Variants in EPHA1 observed in about 807,000 individuals in gnomAD.
The protein encoded by EPHA1 is ephrin type-A receptor 1.
A neutral mutation model predicts 110.1 loss-of-function variants in EPHA1; 92 were observed. The ratio of observed to expected loss-of-function variants is 0.84; its 90% CI spans 0.71 to 0.99. The LOEUF (loss-of-function observed/expected upper bound fraction) is 0.99. Among genes scored for constraint, EPHA1 ranks in the 50% least tolerant of loss-of-function variants. EPHA1 has a pLI of 0.00. For synonymous variants in EPHA1, 500 were observed against 516.1 expected, an observed-to-expected ratio of 0.97 and a Z score of 0.42; for missense variants, 1,204 against 1,285.4, an observed-to-expected ratio of 0.94 and a Z score of 0.97.
At chr7:143,392,015 T>C (rs1805101483) in intron 16 of EPHA1, among the ~76,000 whole-genome samples, 1 of 152,188 alleles carries the variant, frequency 6.6e-6, no homozygotes, top group African/African-American at 2.4e-5. Context: ...GGGACTGTCC[T>C]GGGAAGCCCC....
intron 7 of EPHA1, 55 bp downstream of exon 7, chr7:143,398,266 G>A: frequency 6.2e-7 from 1 of 1,607,982 alleles, no homozygotes; most frequent in Non-Finnish European, 8.5e-7. Context: ...GGCTAGGAAT[G>A]TTGGGGTGTG....
In EPHA1 at chr7:143,408,818, G is replaced by C; in HGVS notation, c.-13C>G. 8.3e-7 allele frequency: 1 copy of C among 1,209,550 alleles called. No homozygotes were observed. The highest frequency in any genetic ancestry group is 1.6e-5 in the African/African-American group (1 of 62,836). The allele number at this position is 1,209,550 out of a possible 1,614,324, so 74.9% of individuals were successfully genotyped here. Reference sequence around the variant, plus strand: ...AGCGCCGCTCCATAGCTCCGGGCCGGGACCTGGGACAGTGGCCCGGATGGC... The same window carrying C: ...AGCGCCGCTCCATAGCTCCGGGCCGCGACCTGGGACAGTGGCCCGGATGGC... On this transcript the variant is annotated 5_prime_UTR_variant, in exon 1 of 18. Coordinates refer to ENST00000275815, the MANE Select transcript of EPHA1 (RefSeq NM_005232.5).
Position 143,395,259 on chromosome 7 carries a change from TG to T in EPHA1, c.2083+59del. 6.2e-7 allele frequency: 1 copy of T among 1,613,376 alleles called. No homozygotes were observed. The highest frequency in any genetic ancestry group is 1.1e-5 in the South Asian group (1 of 91,082). ...CCACACATCCTCCCTCCACTTCCAG[TG>T]GTTTCACCCCTCTTTCCTGCATTTC... On this transcript the variant is annotated intron_variant, in intron 12 of 17. Coordinates refer to ENST00000275815, the MANE Select transcript of EPHA1 (RefSeq NM_005232.5). The surrounding 1 kb of genome is among the most constrained non-coding windows in gnomAD (Gnocchi z 4.7).
intron 2 of EPHA1, among the ~76,000 whole-genome samples, chr7:143,402,091 TTTC>T (rs1805436430): frequency 8.4e-6 from 1 of 118,742 alleles, no homozygotes; most frequent in South Asian, 3.4e-4. Flanking sequence ...CTATTTTTTC[TTTC>T]TTTTTTTTTT....
chr7:143,395,070 C>G lies in EPHA1; in HGVS notation c.2145+51G>C. On this transcript the variant is annotated intron_variant, in intron 13 of 17. Coordinates refer to ENST00000275815, the MANE Select transcript of EPHA1 (RefSeq NM_005232.5). The surrounding 1 kb of genome is among the most constrained non-coding windows in gnomAD (Gnocchi z 4.7). ...ATGGGCCAGGTCTCCTCCCAGTGCC[C>G]AGGGTACCATGGTGCATCCCCCTCC... is the stretch of plus-strand genomic sequence containing the variant. 6 of 1,613,964 alleles carry G rather than the reference C, an allele frequency of 3.7e-6. No homozygotes were observed. Among genetic ancestry groups the G allele is most frequent in the Non-Finnish European group, 3.4e-6 (4 of 1,179,936 alleles).
rs147852131 is a variant in EPHA1 at position 143,398,367 on chromosome 7, C to T, written c.1418G>A (p.Arg473Gln). ...ATAGGTCAGGTTCGCCCCAGGGCTT[C>T]GGGGCCGGGACCCCGCCCAGGTCAG... is the stretch of plus-strand genomic sequence containing the variant. Reference protein sequence around the residue: ...LELTWAGSRPRSPGANLTYEL... With the variant: ...LELTWAGSRPQSPGANLTYEL... Residue 473 changes from arginine (R) to glutamine (Q), a missense_variant, in exon 7 of 18, where the codon CGA becomes CAA. Coordinates refer to ENST00000275815, the MANE Select transcript of EPHA1 (RefSeq NM_005232.5). 58 of 1,613,994 alleles carry T rather than the reference C, an allele frequency of 3.6e-5. No homozygotes were observed. The highest frequency in any genetic ancestry group is 6.7e-5 in the African/African-American group (5 of 74,912).
At position 143,401,405 on chromosome 7, in the gene EPHA1, GC is replaced by G. The variant is rs751532253; in HGVS notation, c.350del (p.Gly117AlafsTer29). 6.2e-7 allele frequency: 1 copy of G among 1,613,994 alleles called. No individual in the cohort carries two copies. The highest frequency in any genetic ancestry group is 8.5e-7 in the Non-Finnish European group (1 of 1,180,038). ...ACAGAAGGTTGAAGGTCTCCTTGCA[GC>G]CCAGAGGCCCGGCTCCCCCAGGGAA... Reference protein sequence around the residue: ...KSFPGGAGPLGCKETFNLLYM... With the variant: ...KSFPGGAGPLXCKETFNLLYM... On this transcript the variant is annotated frameshift_variant, in exon 3 of 18. Coordinates refer to ENST00000275815, the MANE Select transcript of EPHA1 (RefSeq NM_005232.5). LOFTEE classifies it high-confidence loss of function. The surrounding 1 kb of genome is among the most constrained non-coding windows in gnomAD (Gnocchi z 4.1).
At position 143,401,417 on chromosome 7, in the gene EPHA1, G is replaced by T. The variant is rs138434330; in HGVS notation, c.339C>A (p.Ala113=). The T allele has an allele frequency of 6.2e-7, 1 of 1,614,070 alleles. No homozygotes were observed. Among genetic ancestry groups the T allele is most frequent in the African/African-American group, 1.3e-5 (1 of 75,008 alleles). The stretch of plus-strand genomic sequence containing the variant: ...AGGTCTCCTTGCAGCCCAGAGGCCC[G>T]GCTCCCCCAGGGAAACTCTTGCAGT... ...VRDCKSFPGG[A]GPLGCKETFN... is the part of the protein sequence containing the mutation. The change falls in exon 3 of 18, where the codon GCC becomes GCA. Residue 113 remains alanine, a synonymous_variant. Transcript: ENST00000275815. The surrounding 1 kb of genome is among the most constrained non-coding windows in gnomAD (Gnocchi z 4.1).
In EPHA1 at chr7:143,398,619, TGCTGACTGA is replaced by T. The variant is rs1448954975; in HGVS notation, c.1309_1317del (p.Ser437_Ser439del). ...CTCTCACCTGCATGCCCCATGCTGA[TGCTGACTGA>T]GGTGCTGGCATGGCCAGAGCTGCCC... On this transcript the variant is annotated inframe_deletion, in exon 6 of 18. Coordinates refer to ENST00000275815, the MANE Select transcript of EPHA1 (RefSeq NM_005232.5). 1 of 1,613,778 alleles carries T rather than the reference TGCTGACTGA, an allele frequency of 6.2e-7. No homozygotes were observed. Among genetic ancestry groups the T allele is most frequent in the African/African-American group, 1.3e-5 (1 of 74,914 alleles).
rs1805454325 is a variant in EPHA1 at position 143,402,603 on chromosome 7, A to G, written c.151-998T>C. Among the ~76,000 whole-genome samples the G allele has an allele frequency of 2.0e-5, 3 of 152,236 alleles. No homozygotes were observed. The South Asian group carries it at 6.2e-4, about 31-fold the overall frequency. ...GAGACAAGGTTTTGCCACGTTGGCC[A>G]GGCTGTTAGCTTCTTTTATCTGAAA... is the stretch of plus-strand genomic sequence containing the variant. On this transcript the variant is annotated intron_variant, in intron 2 of 17. Transcript: ENST00000275815.
chr7:143,401,663 GT>G lies in EPHA1; in HGVS notation c.151-59del. 6.4e-7 allele frequency: 1 copy of G among 1,573,242 alleles called. No individual in the cohort carries two copies. Among genetic ancestry groups the G allele is most frequent in the South Asian group, 1.2e-5 (1 of 85,048 alleles). ...TCATCCCCTGCTCCCCAAACCCTTG[GT>G]TTTTAGAGCTGATGGAGAAGCAGCT... On this transcript the variant is annotated intron_variant, in intron 2 of 17. Transcript: ENST00000275815. This position sits in a 1 kb window ranked among gnomAD's most constrained non-coding sequence, Gnocchi z 4.1.
intron 14 of EPHA1, among the ~76,000 whole-genome samples, 188 bp from the exon 15 acceptor site, chr7:143,394,531 C>T (rs1458561476): frequency 6.6e-6 from 1 of 152,164 alleles, no homozygotes; most frequent in Non-Finnish European, 1.5e-5. Context: ...AGCGATTCTC[C>T]TGCCTCAGCC....
rs1805483668 is a variant in EPHA1, at chr7:143,403,948, AATG to A, written c.151-2346_151-2344del. Among the ~76,000 whole-genome samples the A allele has an allele frequency of 2.0e-5, 3 of 152,268 alleles. No individual in the cohort carries two copies. The South Asian group carries it at 6.2e-4, about 32-fold the overall frequency. On this transcript the variant is annotated intron_variant, in intron 2 of 17. Coordinates refer to ENST00000275815, the MANE Select transcript of EPHA1 (RefSeq NM_005232.5). ...TTATAGACACGAATCATTTCCTTCA[AATG>A]TATGTTTCAAATATTTTCTCCCTGT...
chr7:143,407,843 A>C lies in EPHA1; in HGVS notation c.83-165T>G, dbSNP rs570141331. The C allele has an allele frequency of 7.4e-4, 402 of 545,760 alleles. 3 individuals are homozygous for C. Among genetic ancestry groups the C allele is most frequent in the Middle Eastern group, 5.9e-3 (12 of 2,024 alleles). 33.8% of individuals were successfully genotyped at this position (545,760 alleles called of 1,614,324 possible). A position where few individuals can be genotyped will look rare whatever the true frequency, so the allele number is the denominator to read the frequency against. On this transcript the variant is annotated intron_variant, in intron 1 of 17. Transcript: ENST00000275815. The stretch of plus-strand genomic sequence containing the variant: ...AAAAAGGGCTCAGGACTGAGGAGTG[A>C]AGAGCTCCAGGGATTTCACTCTTCT...
At chr7:143,398,290 A>T in intron 7 of EPHA1, 31 bp downstream of exon 7, 1 of 1,612,726 alleles carries the variant, frequency 6.2e-7, no homozygotes, top group East Asian at 2.2e-5. Context: ...GGGCATGGAC[A>T]CTGAAGACCA....
At chr7:143,397,152 C>G in intron 10 of EPHA1, 152 bp downstream of exon 10, 1 of 894,240 alleles carries the variant, frequency 1.1e-6, no homozygotes. Context: ...ACACAAGAGC[C>G]CTGGGGACAA....
rs1317853643 is a variant in EPHA1 at position 143,395,870 on chromosome 7, C to T, written c.1898-366G>A. On this transcript the variant is annotated intron_variant, in intron 11 of 17. Transcript: ENST00000275815. The surrounding 1 kb of genome is among the most constrained non-coding windows in gnomAD (Gnocchi z 4.7). ...GACGCTGGCTATGGCCGCCTCTCTT[C>T]TGTGAGCTCCTCTGGTCCCAGCTTG... 1.3e-5 allele frequency among the ~76,000 whole-genome samples: 2 copies of T among 152,228 alleles called. No individual in the cohort carries two copies. Among genetic ancestry groups the T allele is most frequent in the Non-Finnish European group, 2.9e-5 (2 of 68,038 alleles).
In EPHA1 at chr7:143,401,707, G is replaced by T; in HGVS notation, c.151-102C>A. On this transcript the variant is annotated intron_variant, in intron 2 of 17. Transcript: ENST00000275815. The surrounding 1 kb of genome is among the most constrained non-coding windows in gnomAD (Gnocchi z 4.1). The stretch of plus-strand genomic sequence containing the variant: ...AAGCAGCTGTGTCAGAGCCCCTCAG[G>T]TTTATGCTACTTGTTCTGCCTCTCC... 7.1e-7 allele frequency: 1 copy of T among 1,417,976 alleles called. No homozygotes were observed. The highest frequency in any genetic ancestry group is 9.7e-7 in the Non-Finnish European group (1 of 1,036,262). The allele number at this position is 1,417,976 out of a possible 1,614,324, so 87.8% of individuals were successfully genotyped here. A position where few individuals can be genotyped will look rare whatever the true frequency, so the allele number is the denominator to read the frequency against.
In EPHA1 at chr7:143,399,304, G is replaced by A. The variant is rs769788964; in HGVS notation, c.945C>T (p.Ser315=). ...CCTCCCCGGGAGCTCTGTAATGGCC[G>A]CTCTCACAGGTACAGATGGTGGCCC... ...SEGATICTCE[S]GHYRAPGEGP... Residue 315 remains serine (S), a synonymous_variant, in exon 5 of 18, where the codon AGC becomes AGT. Coordinates refer to ENST00000275815, the MANE Select transcript of EPHA1 (RefSeq NM_005232.5). 8.6e-5 allele frequency: 138 copies of A among 1,612,108 alleles called. No homozygotes were observed. Among genetic ancestry groups the A allele is most frequent in the Middle Eastern group, 2.1e-4 (1 of 4,786 alleles).
Sources: allele counts gnomAD v4.1 joint callset (sites outside exome capture counted in the v4.1 genomes callset), GRCh38; gene constraint gnomAD v4.1.1; non-coding constraint Gnocchi (gnomAD v3.1); transcripts MANE v1.5; gene names NCBI Gene and HGNC (gene_info 2026-07-23, HGNC 2026-07-21).